RAPGEF4: variants seen among roughly 807,000 people sequenced by gnomAD.
RAPGEF4 encodes RAP guanine-nucleotide-exchange factor (GEF) 4.
RAPGEF4 carries 66 observed loss-of-function variants against 147.9 expected under a neutral mutation model. The ratio of observed to expected loss-of-function variants is 0.45; its 90% CI spans 0.37 to 0.55. RAPGEF4 has a LOEUF of 0.55. Among genes scored for constraint, RAPGEF4 ranks in the 20% least tolerant of loss-of-function variants. The probability of loss-of-function intolerance (pLI) is 0.00; values close to 1 mark genes in which losing one functional copy is unlikely to be tolerated. For missense variants in RAPGEF4, 1,071 were observed against 1,257.3 expected, an observed-to-expected ratio of 0.85 and a Z score of 2.24; for synonymous variants, 419 against 442.7, an observed-to-expected ratio of 0.95 and a Z score of 0.67.
At chr2:172,890,134 G>A (rs1183773735) in intron 4 of RAPGEF4, among the ~76,000 whole-genome samples, 2 of 152,152 alleles carry the variant, frequency 1.3e-5, no homozygotes, top group African/African-American at 2.4e-5. Flanking sequence ...TAATTTAGAG[G>A]GTTTTTATTT....
intron 3 of RAPGEF4, among the ~76,000 whole-genome samples, chr2:172,798,012 C>G (rs1437532486): frequency 6.6e-6 from 1 of 152,080 alleles, no homozygotes; most frequent in East Asian, 1.9e-4. Context: ...TTTCTTTGTC[C>G]TAGAAGTGAT....
At chr2:172,941,704 A>T (rs1441459873) in intron 6 of RAPGEF4, among the ~76,000 whole-genome samples, 1 of 152,168 alleles carries the variant, frequency 6.6e-6, no homozygotes, top group African/African-American at 2.4e-5. Context: ...GTAAACCAGC[A>T]AGGAGACTGC....
At chr2:173,016,533 C>T in intron 19 of RAPGEF4, 96 bp downstream of exon 19, 1 of 982,688 alleles carries the variant, frequency 1.0e-6, no homozygotes, top group Non-Finnish European at 1.6e-6. Context: ...CTTTCCATAG[C>T]CATGCCCCGC....
intron 1 of RAPGEF4, among the ~76,000 whole-genome samples, chr2:172,768,152 A>G (rs1468284481): frequency 6.6e-6 from 1 of 152,142 alleles, no homozygotes; most frequent in Non-Finnish European, 1.5e-5. Flanking sequence ...TGACTGGGAC[A>G]AAATGTATAC....
intron 1 of RAPGEF4, among the ~76,000 whole-genome samples, chr2:172,764,813 A>C (rs1318127551): frequency 6.6e-6 from 1 of 152,136 alleles, no homozygotes; most frequent in Non-Finnish European, 1.5e-5. Context: ...TTTCAGTTTT[A>C]TGGGAGAAGC....
chr2:172,937,287 A>G lies in RAPGEF4; in HGVS notation c.537+14987A>G, dbSNP rs980833056. On this transcript the variant is annotated intron_variant, in intron 6 of 30. Coordinates refer to ENST00000397081, the MANE Select transcript of RAPGEF4 (RefSeq NM_007023.4). ...CATTTTTACCTAACATCATTTTTCT[A>G]TTCGAAAATTCTATCCAGGACACCA... is the stretch of plus-strand genomic sequence containing the variant. 4.0e-5 allele frequency among the ~76,000 whole-genome samples: 6 copies of G among 151,756 alleles called. No homozygotes were observed. In the East Asian group the frequency reaches 9.7e-4, roughly 24 times the overall value.
intron 14 of RAPGEF4, 46 bp from the exon 15 acceptor site, chr2:172,990,764 C>T (rs777149186): frequency 5.6e-6 from 8 of 1,422,312 alleles, no homozygotes; most frequent in African/African-American, 1.4e-5. Context: ...TTTTCATTGT[C>T]TGAGTAAGCG....
chr2:172,918,095 C>G, intron 5 of RAPGEF4: 1 of 708,026 alleles, frequency 1.4e-6, no homozygotes, highest in Non-Finnish European at 2.6e-6. Flanking sequence ...TGCTCTGGTG[C>G]CAGCTGGAAC....
chr2:172,746,823 G>C (rs1249057907), intron 1 of RAPGEF4, among the ~76,000 whole-genome samples: 3 of 152,096 alleles, frequency 2.0e-5, no homozygotes, highest in Non-Finnish European at 4.4e-5. Flanking sequence ...ATGTTGGCCA[G>C]GCTGATCTTG....
chr2:172,940,937 A>C (rs1377861106), intron 6 of RAPGEF4, among the ~76,000 whole-genome samples: 1 of 152,162 alleles, frequency 6.6e-6, no homozygotes, highest in Non-Finnish European at 1.5e-5. Context: ...TGCCCTGTAC[A>C]TGTTTTGTTA....
At position 172,975,348 on chromosome 2, in the gene RAPGEF4, G is replaced by A. The variant is rs140697083; in HGVS notation, c.1004+7904G>A. ...ATACCACTGTATAGTTTATATAGTG[G>A]TCTCACATCCGTCCCCTCTTTGAAC... is the stretch of plus-strand genomic sequence containing the variant. On this transcript the variant is annotated intron_variant, in intron 10 of 30. Transcript: ENST00000397081. 5.9e-5 allele frequency among the ~76,000 whole-genome samples: 9 copies of A among 152,256 alleles called. No homozygotes were observed. The East Asian group carries it at 1.7e-3, about 29-fold the overall frequency.
chr2:172,982,334 G>T (rs954149079), intron 10 of RAPGEF4, among the ~76,000 whole-genome samples: 1 of 152,108 alleles, frequency 6.6e-6, no homozygotes, highest in Non-Finnish European at 1.5e-5. Context: ...GCACAAAATG[G>T]ATGGTTATGT....
At chr2:172,739,482 G>A (rs1416365377) in intron 1 of RAPGEF4, among the ~76,000 whole-genome samples, 4 of 151,754 alleles carry the variant, frequency 2.6e-5, no homozygotes, top group African/African-American at 7.3e-5. Context: ...AGTAATTCTC[G>A]TGTCTCAGCC....
At chr2:172,800,409 A>T (rs1448013658) in intron 3 of RAPGEF4, among the ~76,000 whole-genome samples, 1 of 152,122 alleles carries the variant, frequency 6.6e-6, no homozygotes, top group Non-Finnish European at 1.5e-5. Flanking sequence ...CTTGCAAGGG[A>T]GAAACAAAAC....
chr2:172,879,627 C>T (rs904916768), intron 4 of RAPGEF4, among the ~76,000 whole-genome samples: 2 of 152,092 alleles, frequency 1.3e-5, no homozygotes, highest in South Asian at 2.1e-4. Flanking sequence ...ATGGCAAGAC[C>T]CCGTCTCTAC....
chr2:172,827,611 A>G (rs1689810320), intron 4 of RAPGEF4, among the ~76,000 whole-genome samples: 1 of 152,182 alleles, frequency 6.6e-6, no homozygotes, highest in Admixed American at 6.5e-5. Context: ...TGACCAGGAC[A>G]TAGTGACAGT....
chr2:172,788,372 A>G (rs980375310), intron 1 of RAPGEF4, among the ~76,000 whole-genome samples: 1 of 152,256 alleles, frequency 6.6e-6, no homozygotes, highest in South Asian at 2.1e-4. Context: ...AAAACGTTGT[A>G]AGGAAAAGCT....
Position 173,030,049 on chromosome 2 carries a change from G to A in RAPGEF4, c.2559-115G>A, listed in dbSNP as rs187657876. The stretch of plus-strand genomic sequence containing the variant: ...CAGTACATTAAATCTATCATTGCCT[G>A]TTCTCATAAATGAGCCCTGACAAAT... On this transcript the variant is annotated intron_variant, in intron 25 of 30. Coordinates refer to ENST00000397081, the MANE Select transcript of RAPGEF4 (RefSeq NM_007023.4). 8.9e-6 allele frequency: 6 copies of A among 677,524 alleles called. No homozygotes were observed. In the Admixed American group the frequency reaches 1.4e-4, roughly 16 times the overall value. The allele number at this position is 677,524 out of a possible 1,614,324, so 42.0% of individuals were successfully genotyped here.
intron 6 of RAPGEF4, among the ~76,000 whole-genome samples, chr2:172,949,278 A>T: frequency 6.6e-6 from 1 of 152,244 alleles, no homozygotes; most frequent in East Asian, 1.9e-4. Context: ...TTCTGAGATA[A>T]CAAAGACACA....
Sources: gnomAD v4.1 joint callset for allele counts (sites outside exome capture counted in the v4.1 genomes callset) on GRCh38, gnomAD v4.1.1 for gene constraint, MANE v1.5 for transcripts, NCBI Gene and HGNC (gene_info 2026-07-23, HGNC 2026-07-21) for gene names.